Variants in ALDH1L1 observed in about 807,000 individuals in gnomAD.
ALDH1L1 encodes aldehyde dehydrogenase 1 family member L1.
ALDH1L1 carries 68 observed loss-of-function variants against 101.1 expected under a neutral mutation model. That is an observed-to-expected ratio of 0.67 (90% CI 0.55 to 0.82). The LOEUF (loss-of-function observed/expected upper bound fraction) is 0.82. Among genes scored for constraint, ALDH1L1 ranks in the 40% least tolerant of loss-of-function variants. The pLI is 0.00. For synonymous variants in ALDH1L1, 486 were observed against 470.8 expected, an observed-to-expected ratio of 1.03 and a Z score of -0.42; for missense variants, 1,087 against 1,172.7, an observed-to-expected ratio of 0.93 and a Z score of 1.07.
upstream of ALDH1L1, among the ~76,000 whole-genome samples, chr3:126,182,290 G>A (rs2081482894): frequency 6.6e-6 from 1 of 152,200 alleles, no homozygotes. Context: ...GGGATTACAG[G>A]CATGCGCCAC....
intron 1 of ALDH1L1, among the ~76,000 whole-genome samples, chr3:126,178,391 AAAAAG>A (rs1193881523): frequency 7.4e-6 from 1 of 135,838 alleles, no homozygotes. Flanking sequence ...AAAAAAAAAA[AAAAAG>A]AAAAAAAAAA....
At chr3:126,122,548 C>T (rs1419317306) in intron 16 of ALDH1L1, among the ~76,000 whole-genome samples, 2 of 152,160 alleles carry the variant, frequency 1.3e-5, no homozygotes, top group African/African-American at 2.4e-5. Flanking sequence ...CACATAGGGA[C>T]TTGTTCTCCT....
At chr3:126,106,057 C>A (rs759169238) in intron 21 of ALDH1L1, 132 bp from the exon 22 acceptor site, 51 of 931,054 alleles carry the variant, frequency 5.5e-5, no homozygotes, top group Non-Finnish European at 7.9e-5. Context: ...GGCTGCAGCG[C>A]CGGGGGCAAG....
chr3:126,124,531 TCCCAGCAG>T, intron 15 of ALDH1L1, 80 bp from the exon 16 acceptor site: 1 of 1,176,330 alleles, frequency 8.5e-7, no homozygotes, highest in Non-Finnish European at 1.2e-6. Flanking sequence ...CGCCTTCCTC[TCCCAGCAG>T]CCCAGCAGCA....
At chr3:126,104,898 T>A (rs566036869) in intron 22 of ALDH1L1, 1 of 153,340 alleles carries the variant, frequency 6.5e-6, no homozygotes, top group Non-Finnish European at 1.4e-5. Flanking sequence ...TGAGACAGCA[T>A]ATGGCTTCCC....
At chr3:126,115,102 A>C in intron 17 of ALDH1L1, 1 of 457,352 alleles carries the variant, frequency 2.2e-6, no homozygotes, top group Non-Finnish European at 4.4e-6. Flanking sequence ...CCCCGGTGCC[A>C]AGCACAGTGC....
intron 1 of ALDH1L1, among the ~76,000 whole-genome samples, chr3:126,188,091 T>C (rs2108352733): frequency 6.6e-6 from 1 of 152,336 alleles, no homozygotes; most frequent in East Asian, 1.9e-4. Flanking sequence ...CTCAGCATTG[T>C]ATCTCACTTG....
Position 126,157,519 on chromosome 3 carries a change from G to C in ALDH1L1, c.363-11C>G, listed in dbSNP as rs1473600094. ...CCGTGAATGAGGGTCCTAGGAAGCA[G>C]AAGAGTGAAACCTGGAGTCCACGAT... is the stretch of plus-strand genomic sequence containing the variant. On this transcript the variant is annotated splice_polypyrimidine_tract_variant and intron_variant, in intron 3 of 22. Coordinates refer to ENST00000393434, the MANE Select transcript of ALDH1L1 (RefSeq NM_012190.4). 6.2e-6 allele frequency: 10 copies of C among 1,612,410 alleles called. No homozygotes were observed.
At chr3:126,115,066 A>C (rs1335847652) in intron 17 of ALDH1L1, 1 of 457,152 alleles carries the variant, frequency 2.2e-6, no homozygotes, top group South Asian at 1.6e-5. Context: ...CAGGGCAGGC[A>C]CGCATCTGTC....
intron 1 of ALDH1L1, among the ~76,000 whole-genome samples, chr3:126,170,424 T>TA (rs59239455): frequency 0.053 from 6,427 of 121,160 alleles, 231 homozygotes; most frequent in Middle Eastern, 0.065. Context: ...TGCCTGTCAT[T>TA]AAAAAAAAAA....
At chr3:126,118,716 C>G (rs1364895818) in intron 16 of ALDH1L1, among the ~76,000 whole-genome samples, 1 of 152,080 alleles carries the variant, frequency 6.6e-6, no homozygotes, top group African/African-American at 2.4e-5. Context: ...GAACAGAGAC[C>G]CAAGGATGCC....
upstream of ALDH1L1, chr3:126,180,698 C>T (rs1373328422): frequency 3.6e-6 from 5 of 1,385,428 alleles, no homozygotes; most frequent in African/African-American, 2.9e-5. Context: ...GGGACTATGG[C>T]GGGAGCGCAG....
At chr3:126,138,893 T>C (rs2080509082) in intron 9 of ALDH1L1, among the ~76,000 whole-genome samples, 1 of 152,248 alleles carries the variant, frequency 6.6e-6, no homozygotes, top group East Asian at 1.9e-4. Flanking sequence ...GTTGGAACTT[T>C]GGGGTCTAGT....
Position 126,160,836 on chromosome 3 carries a change from T to C in ALDH1L1, c.127+17A>G. The C allele has an allele frequency of 6.2e-7, 1 of 1,612,714 alleles. No individual in the cohort carries two copies. Among genetic ancestry groups the C allele is most frequent in the South Asian group, 1.1e-5 (1 of 90,794 alleles). On this transcript the variant is annotated intron_variant, in intron 2 of 22. Transcript: ENST00000393434. ...GGCCGCCCTCCATCAGCTTCCCTGC[T>C]CCATTGGCTCACTCACCCAGGGGGT...
intron 16 of ALDH1L1, among the ~76,000 whole-genome samples, chr3:126,123,625 C>T (rs1240677602): frequency 4.9e-5 from 4 of 80,916 alleles, no homozygotes; most frequent in African/African-American, 2.9e-4. Flanking sequence ...ATTTTCAACC[C>T]AAAAAGCTGC....
chr3:126,144,759 G>A (rs988436032), intron 9 of ALDH1L1, among the ~76,000 whole-genome samples: 1 of 152,110 alleles, frequency 6.6e-6, no homozygotes. Context: ...GAAAGCATAG[G>A]GGAAAGTCTC....
chr3:126,176,742 ACTT>A (rs1232541602), intron 1 of ALDH1L1, among the ~76,000 whole-genome samples: 3 of 152,198 alleles, frequency 2.0e-5, no homozygotes, highest in Admixed American at 6.5e-5. Flanking sequence ...AAAATTTAAA[ACTT>A]CTGCTCTGCA....
intron 7 of ALDH1L1, 126 bp from the exon 8 acceptor site, chr3:126,150,657 C>T (rs971712503): frequency 2.5e-5 from 29 of 1,177,056 alleles, no homozygotes; most frequent in African/African-American, 4.7e-5. Context: ...CGGGTTGAAG[C>T]GATTCTCCTG....
chr3:126,115,696 TC>T (rs2079950019), intron 17 of ALDH1L1, among the ~76,000 whole-genome samples: 2 of 151,978 alleles, frequency 1.3e-5, no homozygotes, highest in Admixed American at 1.3e-4. Context: ...TACCTCAGCC[TC>T]CCGAGTAGCT....
Sources: gnomAD v4.1 joint callset for allele counts (sites outside exome capture counted in the v4.1 genomes callset) on GRCh38, gnomAD v4.1.1 for gene constraint, MANE v1.5 for transcripts, NCBI Gene and HGNC (gene_info 2026-07-23, HGNC 2026-07-21) for gene names.